DOCK1: variants seen among roughly 807,000 people sequenced by gnomAD.
The protein encoded by DOCK1 is dedicator of cytokinesis protein 1.
Under a neutral mutation model 262.7 loss-of-function variants are expected in DOCK1, and 138 were observed. The observed-to-expected ratio is 0.53, with a 90% CI of 0.46 to 0.61. The LOEUF is 0.61. Ranked by LOEUF, DOCK1 falls within the 20% of genes least tolerant of loss-of-function variation. DOCK1 has a pLI of 0.00. For synonymous variants in DOCK1, 866 were observed against 867.4 expected (o/e 1.00, Z 0.03); for missense variants, 1,908 against 2,370.7 (o/e 0.80, Z 4.05).
At chr10:126,928,312 C>T (rs1265034600) in intron 1 of DOCK1, among the ~76,000 whole-genome samples, 3 of 152,210 alleles carry the variant, frequency 2.0e-5, no homozygotes, top group Non-Finnish European at 2.9e-5. Context: ...GCCGTGTCCA[C>T]GGCTGGTGTC....
chr10:126,989,965 TAGCTG>T (rs2039676979), intron 5 of DOCK1, among the ~76,000 whole-genome samples: 1 of 152,152 alleles, frequency 6.6e-6, no homozygotes, highest in Non-Finnish European at 1.5e-5. Context: ...TTCTTCCCTA[TAGCTG>T]AGCTGAGAGC....
At chr10:126,938,401 A>G (rs1233750134) in intron 1 of DOCK1, among the ~76,000 whole-genome samples, 5 of 152,100 alleles carry the variant, frequency 3.3e-5, no homozygotes, top group African/African-American at 1.2e-4. Flanking sequence ...TGTTGAAACC[A>G]TTTATTGTTC....
chr10:127,035,614 T>C (rs1480757302), intron 18 of DOCK1, among the ~76,000 whole-genome samples: 1 of 152,170 alleles, frequency 6.6e-6, no homozygotes, highest in Admixed American at 6.5e-5. Flanking sequence ...ATTAAGGAAA[T>C]ACTGGTAATT....
rs35535729 is a variant in DOCK1, at chr10:127,422,158, C to CTTTTTTT, written c.4776+2430_4776+2436dup. Among the ~76,000 whole-genome samples, 73 of 61,386 alleles carry CTTTTTTT rather than the reference C, an allele frequency of 1.2e-3. 1 individual carries two copies. Among genetic ancestry groups the CTTTTTTT allele is most frequent in the Non-Finnish European group, 1.4e-3 (49 of 34,548 alleles). 40.3% of individuals were successfully genotyped at this position (61,386 alleles called of 152,430 possible). Reference sequence around the variant, plus strand: ...CAACAAGACTTGTTATTTTGTTTGTCTTTTTTTTTTTTTTTTTTTTTTTTT... The same window carrying CTTTTTTT: ...CAACAAGACTTGTTATTTTGTTTGTCTTTTTTTTTTTTTTTTTTTTTTTTTTTTTTTT... On this transcript the variant is annotated intron_variant, in intron 46 of 51. Transcript: ENST00000623213.
chr10:127,247,164 G>A (rs2059457647), intron 27 of DOCK1, among the ~76,000 whole-genome samples: 1 of 152,176 alleles, frequency 6.6e-6, no homozygotes, highest in Admixed American at 6.5e-5. Flanking sequence ...CACACATACT[G>A]GCTGCCTCCA....
chr10:127,439,945 T>C (rs1050253035), intron 49 of DOCK1, among the ~76,000 whole-genome samples: 5 of 151,958 alleles, frequency 3.3e-5, no homozygotes, highest in African/African-American at 1.2e-4. Context: ...GTGCACCACA[T>C]TGGGAATCTG....
intron 27 of DOCK1, among the ~76,000 whole-genome samples, chr10:127,211,384 A>G (rs945033531): frequency 1.3e-5 from 2 of 152,168 alleles, no homozygotes; most frequent in African/African-American, 4.8e-5. Context: ...ACCCCTGATA[A>G]GCATGCTCCT....
Position 127,447,477 on chromosome 10 carries a change from G to A in DOCK1, c.5497G>A (p.Gly1833Arg), listed in dbSNP as rs201376871. Residue 1833 changes from glycine (G) to arginine (R), a missense_variant, in exon 51 of 52, where the codon GGG becomes AGG. Gly to Arg is a moderately radical substitution (Grantham distance 125, BLOSUM62 -2). This residue lies in a region of DOCK1 where 383 missense variants were observed against 420.1 expected (regional missense o/e 0.91). Coordinates refer to ENST00000623213, the MANE Select transcript of DOCK1 (RefSeq NM_001290223.2). ...TCTCAAAGGCAGCGTGGCAGATTAC[G>A]GGAATTTGATGGAAAACCAGGACTT... is the stretch of plus-strand genomic sequence containing the variant. Reference protein sequence around the residue: ...LPLKGSVADYGNLMENQDLLG... With the variant: ...LPLKGSVADYRNLMENQDLLG... The A allele has an allele frequency of 1.2e-5, 19 of 1,613,692 alleles. No homozygotes were observed. The highest frequency in any genetic ancestry group is 6.7e-5 in the African/African-American group (5 of 74,928).
intron 23 of DOCK1, among the ~76,000 whole-genome samples, chr10:127,064,022 C>T (rs146310825): frequency 5.4e-4 from 83 of 152,330 alleles, no homozygotes; most frequent in East Asian, 3.5e-3. Context: ...AGATTCCCAT[C>T]GTGGGAGCCT....
chr10:127,048,065 A>G (rs1451641270), intron 21 of DOCK1, among the ~76,000 whole-genome samples: 4 of 152,192 alleles, frequency 2.6e-5, no homozygotes, highest in African/African-American at 4.8e-5. Flanking sequence ...ATACGTGTAT[A>G]GTTTTCTTTG....
At chr10:127,008,893 C>A in intron 11 of DOCK1, 89 bp downstream of exon 11, 1 of 1,178,686 alleles carries the variant, frequency 8.5e-7, no homozygotes, top group Non-Finnish European at 1.2e-6. Flanking sequence ...AATGGATAAA[C>A]ATAACTAAGG....
intron 2 of DOCK1, among the ~76,000 whole-genome samples, chr10:126,972,211 C>T (rs540955356): frequency 4.2e-4 from 64 of 152,298 alleles, no homozygotes; most frequent in African/African-American, 1.4e-3. Flanking sequence ...CCACCGTGCC[C>T]GTCCTGAAGC....
chr10:127,357,879 C>T (rs1472427176), intron 32 of DOCK1, among the ~76,000 whole-genome samples: 9 of 152,144 alleles, frequency 5.9e-5, no homozygotes, highest in Non-Finnish European at 1.2e-4. Flanking sequence ...CACGGGGTGG[C>T]CTCCTTCCTG....
intron 47 of DOCK1, among the ~76,000 whole-genome samples, chr10:127,428,136 G>A (rs528380171): frequency 1.4e-4 from 22 of 152,334 alleles, no homozygotes; most frequent in African/African-American, 5.1e-4. Context: ...GCGTCACATC[G>A]CATCTCTTTC....
At chr10:127,031,887 A>G in intron 17 of DOCK1, 134 bp downstream of exon 17, 1 of 912,592 alleles carries the variant, frequency 1.1e-6, no homozygotes, top group Non-Finnish European at 1.7e-6. Context: ...GCAAATGAAC[A>G]TTTCCAATGA....
intron 48 of DOCK1, 105 bp downstream of exon 48, chr10:127,433,533 G>C: frequency 7.2e-7 from 1 of 1,391,920 alleles, no homozygotes; most frequent in Non-Finnish European, 9.5e-7. Context: ...TGAGGATTTT[G>C]TGTTCATCAA....
rs568706603 is a variant in DOCK1 at position 127,100,286 on chromosome 10, T to G, written c.2446-5945T>G. 1.3e-5 allele frequency among the ~76,000 whole-genome samples: 2 copies of G among 152,168 alleles called. No individual in the cohort carries two copies. Among genetic ancestry groups the G allele is most frequent in the East Asian group, 1.9e-4 (1 of 5,148 alleles). On this transcript the variant is annotated intron_variant, in intron 23 of 51. Transcript: ENST00000623213. This position sits in a 1 kb window ranked among gnomAD's most constrained non-coding sequence, Gnocchi z 5.5. The stretch of plus-strand genomic sequence containing the variant: ...GCCGTGCGGCCCAGGTGCTGTTTGT[T>G]CCGGGGGGAGTTAACAGCCTGAACC...
At chr10:127,318,475 T>TAGCCTCCTGGGGAGAGGCAGC (rs1486608019) in intron 29 of DOCK1, among the ~76,000 whole-genome samples, 1 of 152,128 alleles carries the variant, frequency 6.6e-6, no homozygotes, top group Admixed American at 6.5e-5. Flanking sequence ...CAGGAGGCAG[T>TAGCCTCCTGGGGAGAGGCAGC]AGCCTCCTGG....
At chr10:126,954,900 T>C (rs1442016432) in intron 1 of DOCK1, among the ~76,000 whole-genome samples, 1 of 152,216 alleles carries the variant, frequency 6.6e-6, no homozygotes, top group African/African-American at 2.4e-5. Flanking sequence ...GGTGTACAAG[T>C]TTCTGTTCAA....
Sources: gnomAD v4.1 joint callset for allele counts (sites outside exome capture counted in the v4.1 genomes callset) on GRCh38, gnomAD v4.1.1 for gene constraint, gnomAD v4.1.1 regional missense constraint, Gnocchi (gnomAD v3.1) non-coding constraint, MANE v1.5 for transcripts, NCBI Gene and HGNC (gene_info 2026-07-23, HGNC 2026-07-21) for gene names.